The following PLCB1 variants were observed in gnomAD, a reference collection of about 807,000 sequenced individuals.
PLCB1 encodes 1-phosphatidylinositol 4,5-bisphosphate phosphodiesterase beta-1.
In PLCB1, 46 loss-of-function variants were observed where a neutral mutation model predicts 161.8. The observed-to-expected ratio is 0.28, with a 90% CI of 0.22 to 0.36. The LOEUF (loss-of-function observed/expected upper bound fraction) is 0.36. PLCB1 is among the 10% of genes least tolerant of loss of function. The pLI, the probability that PLCB1 is intolerant of heterozygous loss-of-function variation, is 1.00. For synonymous variants in PLCB1, 517 were observed against 503.7 expected, an observed-to-expected ratio of 1.03 and a Z score of -0.35; for missense variants, 1,016 against 1,472.5, an observed-to-expected ratio of 0.69 and a Z score of 5.07.
intron 3 of PLCB1, among the ~76,000 whole-genome samples, chr20:8,544,453 T>G (rs752991009): frequency 6.6e-6 from 1 of 152,244 alleles, no homozygotes; most frequent in East Asian, 1.9e-4. Context: ...CTTTGTGACC[T>G]TGGACAAGTC....
chr20:8,536,841 G>A (rs1450317800), intron 3 of PLCB1, among the ~76,000 whole-genome samples: 2 of 152,152 alleles, frequency 1.3e-5, no homozygotes, highest in Non-Finnish European at 2.9e-5. Flanking sequence ...GCTGCATGGG[G>A]GAATATCATA....
chr20:8,726,693 G>A (rs1392908215), intron 16 of PLCB1, among the ~76,000 whole-genome samples: 2 of 152,006 alleles, frequency 1.3e-5, no homozygotes, highest in Non-Finnish European at 2.9e-5. Context: ...TTGACACTGT[G>A]GGTATTACAA....
At chr20:8,263,779 A>G (rs1263149227) in intron 2 of PLCB1, among the ~76,000 whole-genome samples, 2 of 152,204 alleles carry the variant, frequency 1.3e-5, no homozygotes, top group Non-Finnish European at 2.9e-5. Context: ...AGATAAAAGA[A>G]CAATGGACCT....
intron 2 of PLCB1, among the ~76,000 whole-genome samples, chr20:8,281,446 T>A (rs145202660): frequency 1.3e-5 from 2 of 152,278 alleles, no homozygotes; most frequent in East Asian, 3.9e-4. Flanking sequence ...ATCAGATTTT[T>A]TTTTAAGTTC....
intron 3 of PLCB1, among the ~76,000 whole-genome samples, chr20:8,432,643 C>A (rs1004093160): frequency 6.6e-6 from 1 of 152,038 alleles, no homozygotes; most frequent in Non-Finnish European, 1.5e-5. Flanking sequence ...ATTTTTTAAC[C>A]CAGTGTTTTT....
intron 17 of PLCB1, 85 bp from the exon 18 acceptor site, chr20:8,728,965 G>T: frequency 1.1e-6 from 1 of 890,162 alleles, no homozygotes; most frequent in East Asian, 3.0e-5. Context: ...TTTCCAAATG[G>T]AGAAAGATGG....
intron 19 of PLCB1, among the ~76,000 whole-genome samples, chr20:8,736,334 T>G (rs1980583400): frequency 6.6e-6 from 1 of 152,194 alleles, no homozygotes; most frequent in African/African-American, 2.4e-5. Context: ...GTCTATAATA[T>G]CCATTAGTTC....
intron 4 of PLCB1, among the ~76,000 whole-genome samples, chr20:8,641,231 G>A (rs562876593): frequency 4.3e-4 from 66 of 152,254 alleles, no homozygotes; most frequent in African/African-American, 1.6e-3. Context: ...AACTATTCCA[G>A]TATAGTTCAC....
intron 2 of PLCB1, among the ~76,000 whole-genome samples, chr20:8,315,949 T>C (rs901393133): frequency 2.0e-5 from 3 of 152,218 alleles, no homozygotes; most frequent in East Asian, 1.9e-4. Context: ...GTTTTTCTAA[T>C]GATATGCAAT....
At chr20:8,218,868 T>G (rs555261681) in intron 2 of PLCB1, among the ~76,000 whole-genome samples, 2 of 152,254 alleles carry the variant, frequency 1.3e-5, no homozygotes, top group African/African-American at 4.8e-5. Flanking sequence ...AAAGGCATTT[T>G]AAAATGATCT....
At chr20:8,636,184 A>C (rs929355098) in intron 4 of PLCB1, among the ~76,000 whole-genome samples, 1 of 152,222 alleles carries the variant, frequency 6.6e-6, no homozygotes, top group Non-Finnish European at 1.5e-5. Context: ...TACATGTGCC[A>C]AAAAGATCAC....
At chr20:8,260,198 A>G (rs1159560959) in intron 2 of PLCB1, among the ~76,000 whole-genome samples, 1 of 149,562 alleles carries the variant, frequency 6.7e-6, no homozygotes, top group Non-Finnish European at 1.5e-5. Context: ...TTATAGCCTC[A>G]GCCTCCTTAT....
chr20:8,823,805 A>G (rs1222669149), intron 31 of PLCB1, among the ~76,000 whole-genome samples: 1 of 152,180 alleles, frequency 6.6e-6, no homozygotes, highest in Non-Finnish European at 1.5e-5. Context: ...TGCCTCTACC[A>G]TCTCTTTCAG....
At chr20:8,159,515 CTTGTTACTT>C (rs1285246890) in intron 2 of PLCB1, among the ~76,000 whole-genome samples, 1 of 152,184 alleles carries the variant, frequency 6.6e-6, no homozygotes, top group East Asian at 1.9e-4. Context: ...CATTTGGCTT[CTTGTTACTT>C]ATGCAAATTT....
intron 2 of PLCB1, among the ~76,000 whole-genome samples, chr20:8,197,793 G>T (rs1362135548): frequency 6.6e-6 from 1 of 152,150 alleles, no homozygotes; most frequent in African/African-American, 2.4e-5. Flanking sequence ...ATGGTTTTAG[G>T]TCTAACATTT....
At chr20:8,321,052 A>G (rs778297121) in intron 2 of PLCB1, among the ~76,000 whole-genome samples, 2 of 152,076 alleles carry the variant, frequency 1.3e-5, no homozygotes, top group Non-Finnish European at 2.9e-5. Context: ...AGAAAAAAGT[A>G]TAATGGATTC....
At chr20:8,815,852 G>A (rs558053257) in intron 31 of PLCB1, among the ~76,000 whole-genome samples, 2 of 152,268 alleles carry the variant, frequency 1.3e-5, no homozygotes, top group South Asian at 4.1e-4. Flanking sequence ...TTCCTCTATA[G>A]CATCAATAAT....
intron 4 of PLCB1, among the ~76,000 whole-genome samples, chr20:8,632,935 T>C (rs1297969277): frequency 1.3e-5 from 2 of 152,066 alleles, no homozygotes; most frequent in African/African-American, 4.8e-5. Flanking sequence ...AGGACAGATG[T>C]GATTTGACTT....
rs77626223 is a variant in PLCB1, at chr20:8,811,674, AG to A, written c.3423+21415del. Among the ~76,000 whole-genome samples, 4 of 152,210 alleles carry A rather than the reference AG, an allele frequency of 2.6e-5. No homozygotes were observed. The East Asian group carries it at 7.7e-4, about 29-fold the overall frequency. On this transcript the variant is annotated intron_variant, in intron 31 of 31. Transcript: ENST00000338037. ...TTTCTGTAGACCTTGTTTAAATGTTAGGTTTTCTTTTGCTGTTGAGTACATG... is the reference window on the plus strand; with the variant it reads ...TTTCTGTAGACCTTGTTTAAATGTTAGTTTTCTTTTGCTGTTGAGTACATG...
Sources: allele counts gnomAD v4.1 joint callset (sites outside exome capture counted in the v4.1 genomes callset), GRCh38; gene constraint gnomAD v4.1.1; transcripts MANE v1.5; gene names NCBI Gene and HGNC (gene_info 2026-07-23, HGNC 2026-07-21).